KCNIP4: variants seen among roughly 807,000 people sequenced by gnomAD.
KCNIP4 encodes the protein Kv channel-interacting protein 4.
Under a neutral mutation model 34.0 loss-of-function variants are expected in KCNIP4, and 12 were observed. That is an observed-to-expected ratio of 0.35 (90% CI 0.23 to 0.57). KCNIP4 has a LOEUF of 0.57. KCNIP4 is among the 20% of genes least tolerant of loss of function. KCNIP4 has a pLI of 0.83. For synonymous variants in KCNIP4, 124 were observed against 102.2 expected, an observed-to-expected ratio of 1.21 and a Z score of -1.29; for missense variants, 238 against 311.7, an observed-to-expected ratio of 0.76 and a Z score of 1.78.
chr4:21,503,204 C>A (rs887784193), intron 1 of KCNIP4, among the ~76,000 whole-genome samples: 3 of 152,170 alleles, frequency 2.0e-5, no homozygotes, highest in Non-Finnish European at 4.4e-5. Flanking sequence ...CACCTATCAT[C>A]TTGCTAAAAA....
At chr4:21,109,185 C>T (rs993617918) in intron 1 of KCNIP4, among the ~76,000 whole-genome samples, 10 of 152,306 alleles carry the variant, frequency 6.6e-5, no homozygotes, top group Non-Finnish European at 7.4e-5. Flanking sequence ...TTTTGTTTGT[C>T]TGTGCCCTGC....
rs528698292 is a variant in KCNIP4 at position 20,731,213 on chromosome 4, C to T, written c.705+793G>A. The T allele has an allele frequency of 5.2e-5, 9 of 171,806 alleles. No homozygotes were observed. The South Asian group carries it at 1.7e-3, about 33-fold the overall frequency. The allele number at this position is 171,806 out of a possible 1,614,324, so 10.6% of individuals were successfully genotyped here. A position where few individuals can be genotyped will look rare whatever the true frequency, so the allele number is the denominator to read the frequency against. On this transcript the variant is annotated intron_variant, in intron 8 of 8. Coordinates refer to ENST00000382152, the MANE Select transcript of KCNIP4 (RefSeq NM_025221.6). The stretch of plus-strand genomic sequence containing the variant: ...GCCTCCCAAGTAGCTGAGACTTCAG[C>T]CACGTGCCACCGTGCCCAGCTAACT...
intron 1 of KCNIP4, among the ~76,000 whole-genome samples, chr4:21,764,859 T>C (rs562033250): frequency 1.3e-5 from 2 of 152,162 alleles, no homozygotes; most frequent in South Asian, 2.1e-4. Flanking sequence ...ATGTGGAGTG[T>C]ACAGGCATTG....
intron 1 of KCNIP4, among the ~76,000 whole-genome samples, chr4:20,938,891 T>C (rs964638789): frequency 2.0e-5 from 3 of 152,220 alleles, no homozygotes; most frequent in African/African-American, 4.8e-5. Flanking sequence ...GAACTTCACA[T>C]AGAAATTTTT....
chr4:20,873,459 T>C (rs1723697764), intron 2 of KCNIP4, among the ~76,000 whole-genome samples: 1 of 152,192 alleles, frequency 6.6e-6, no homozygotes, highest in South Asian at 2.1e-4. Context: ...TCTCTTTCTC[T>C]CTCAACAATT....
intron 1 of KCNIP4, among the ~76,000 whole-genome samples, chr4:21,057,757 T>C (rs2108963519): frequency 6.6e-6 from 1 of 152,350 alleles, no homozygotes; most frequent in East Asian, 1.9e-4. Context: ...AAAATTCTCA[T>C]GACCTACTAA....
chr4:21,791,623 T>G (rs1422739579), intron 1 of KCNIP4, among the ~76,000 whole-genome samples: 1 of 152,140 alleles, frequency 6.6e-6, no homozygotes, highest in Non-Finnish European at 1.5e-5. Flanking sequence ...TCATCCTAAC[T>G]GGAGGAAAGT....
chr4:21,099,558 G>A (rs545663810), intron 1 of KCNIP4, among the ~76,000 whole-genome samples: 172 of 152,056 alleles, frequency 1.1e-3, no homozygotes, highest in Non-Finnish European at 1.9e-3. Context: ...AACCAACATG[G>A]CACACGTTTA....
intron 1 of KCNIP4, among the ~76,000 whole-genome samples, chr4:21,603,515 A>G (rs1743381233): frequency 6.6e-6 from 1 of 152,186 alleles, no homozygotes; most frequent in South Asian, 2.1e-4. Context: ...GTAAGATATT[A>G]CATTTTATTA....
chr4:21,519,560 G>A lies in KCNIP4; in HGVS notation c.61+429011C>T, dbSNP rs190161665. Among the ~76,000 whole-genome samples the A allele has an allele frequency of 5.1e-3, 221 of 42,966 alleles. 47 individuals are homozygous for A. Among genetic ancestry groups the A allele is most frequent in the African/African-American group, 0.025 (193 of 7,720 alleles). The allele number at this position is 42,966 out of a possible 152,430, so 28.2% of individuals were successfully genotyped here. ...TGTGTATATACACATATGTGTGTAT[G>A]TGTATATATACACATATGTGTGTGT... On this transcript the variant is annotated intron_variant, in intron 1 of 8. Coordinates refer to ENST00000382152, the MANE Select transcript of KCNIP4 (RefSeq NM_025221.6).
chr4:21,842,079 C>T (rs1319577750), intron 1 of KCNIP4, among the ~76,000 whole-genome samples: 1 of 152,094 alleles, frequency 6.6e-6, no homozygotes, highest in Non-Finnish European at 1.5e-5. Context: ...AAGTAAAATG[C>T]TTTGAACATT....
intron 1 of KCNIP4, among the ~76,000 whole-genome samples, chr4:21,832,595 T>A (rs1446078250): frequency 3.6e-5 from 3 of 83,922 alleles, no homozygotes; most frequent in African/African-American, 1.2e-4. Context: ...TTTTTTTTTT[T>A]ATTATTATCA....
Position 20,934,942 on chromosome 4 carries a change from T to C in KCNIP4, c.62-52233A>G, listed in dbSNP as rs530377592. Among the ~76,000 whole-genome samples, 18 of 152,308 alleles carry C rather than the reference T, an allele frequency of 1.2e-4. No homozygotes were observed. The South Asian group carries it at 3.7e-3, about 32-fold the overall frequency. ...TAAGGGAAAATTATTCTTTGCCTCT[T>C]CATCTTCTAGTGACTCCAGGCATTT... On this transcript the variant is annotated intron_variant, in intron 1 of 8. Coordinates refer to ENST00000382152, the MANE Select transcript of KCNIP4 (RefSeq NM_025221.6).
At chr4:20,755,281 A>G (rs1334435773) in intron 4 of KCNIP4, among the ~76,000 whole-genome samples, 1 of 152,208 alleles carries the variant, frequency 6.6e-6, no homozygotes, top group East Asian at 1.9e-4. Context: ...TAGGCACAAA[A>G]TTGTTTTAAA....
intron 1 of KCNIP4, among the ~76,000 whole-genome samples, chr4:21,090,794 T>C (rs1746928951): frequency 2.6e-5 from 4 of 152,148 alleles, no homozygotes; most frequent in Admixed American, 2.6e-4. Context: ...TTTTAGAAGG[T>C]TAGAAATATA....
intron 1 of KCNIP4, among the ~76,000 whole-genome samples, chr4:21,109,717 C>T (rs539384124): frequency 4.2e-4 from 64 of 152,278 alleles, no homozygotes; most frequent in East Asian, 2.5e-3. Flanking sequence ...AGCTGTAGAC[C>T]GGAGCTGTTC....
At chr4:20,787,109 G>C (rs1159171811) in intron 3 of KCNIP4, among the ~76,000 whole-genome samples, 1 of 152,078 alleles carries the variant, frequency 6.6e-6, no homozygotes, top group African/African-American at 2.4e-5. Context: ...ATTGGCAAAG[G>C]GGCCCTTCTG....
intron 1 of KCNIP4, among the ~76,000 whole-genome samples, chr4:21,944,423 C>T (rs557789397): frequency 4.6e-4 from 70 of 151,450 alleles, no homozygotes; most frequent in African/African-American, 1.7e-3. Context: ...GGCATGGTGG[C>T]GGGTGCACCC....
At chr4:21,415,101 C>G (rs960654709) in intron 1 of KCNIP4, among the ~76,000 whole-genome samples, 1 of 152,134 alleles carries the variant, frequency 6.6e-6, no homozygotes, top group South Asian at 2.1e-4. Flanking sequence ...CATTCCCCCC[C>G]AGTCCCCACT....
Sources: gnomAD v4.1 joint callset for allele counts (sites outside exome capture counted in the v4.1 genomes callset) on GRCh38, gnomAD v4.1.1 for gene constraint, MANE v1.5 for transcripts, NCBI Gene and HGNC (gene_info 2026-07-23, HGNC 2026-07-21) for gene names.